PTPN14: variants seen among roughly 807,000 people sequenced by gnomAD.
The protein encoded by PTPN14 is protein tyrosine phosphatase non-receptor type 14, also known as tyrosine-protein phosphatase non-receptor type 14.
In PTPN14, 53 loss-of-function variants were observed where a neutral mutation model predicts 126.8. The ratio of observed to expected loss-of-function variants is 0.42; its 90% confidence interval spans 0.34 to 0.53. The LOEUF is 0.53. Among genes scored for constraint, PTPN14 ranks in the 20% least tolerant of loss-of-function variants. The probability of loss-of-function intolerance (pLI) is 0.08; values close to 1 mark genes in which losing one functional copy is unlikely to be tolerated. For synonymous variants in PTPN14, 630 were observed against 599.3 expected (o/e 1.05, Z -0.75); for missense variants, 1,257 against 1,552.9 (o/e 0.81, Z 3.20).
At chr1:214,514,572 TG>T (rs1638919287) in intron 1 of PTPN14, among the ~76,000 whole-genome samples, 3 of 125,250 alleles carry the variant, frequency 2.4e-5, no homozygotes, top group Admixed American at 1.4e-4. Context: ...TCTGATTCCC[TG>T]AGCCTGGGGT....
chr1:214,424,989 G>T (rs1034398277), intron 3 of PTPN14, among the ~76,000 whole-genome samples: 3 of 152,000 alleles, frequency 2.0e-5, no homozygotes, highest in Non-Finnish European at 2.9e-5. Context: ...AGAGGCAGAG[G>T]TTATGCCACG....
intron 1 of PTPN14, among the ~76,000 whole-genome samples, chr1:214,545,643 G>A (rs372272750): frequency 1.3e-5 from 2 of 152,242 alleles, no homozygotes; most frequent in East Asian, 1.9e-4. Flanking sequence ...ACTCAAACTC[G>A]AAGGGACCTA....
rs571185641 is a variant in PTPN14 at position 214,503,096 on chromosome 1, T to C, written c.-154-38139A>G. Among the ~76,000 whole-genome samples, 128 of 152,344 alleles carry C rather than the reference T, an allele frequency of 8.4e-4. 1 individual carries two copies. The highest frequency in any genetic ancestry group is 2.5e-4 in the Non-Finnish European group (17 of 68,032). ...TTTTAAATTCACACTGTGAAAATTA[T>C]ACTAGCATACACTTGGAGAAACATG... On this transcript the variant is annotated intron_variant, in intron 1 of 18. Transcript: ENST00000366956.
At chr1:214,454,188 T>C (rs1660333115) in intron 2 of PTPN14, among the ~76,000 whole-genome samples, 1 of 152,184 alleles carries the variant, frequency 6.6e-6, no homozygotes, top group South Asian at 2.1e-4. Flanking sequence ...TTATAAGCAT[T>C]AGTGGAGAAA....
intron 3 of PTPN14, among the ~76,000 whole-genome samples, chr1:214,426,687 A>C (rs1659671387): frequency 6.6e-6 from 1 of 152,218 alleles, no homozygotes; most frequent in Non-Finnish European, 1.5e-5. Context: ...TCATGAAAGA[A>C]GGCTGCTACA....
chr1:214,380,218 G>A (rs899895773), intron 13 of PTPN14, among the ~76,000 whole-genome samples: 7 of 152,112 alleles, frequency 4.6e-5, no homozygotes, highest in African/African-American at 1.7e-4. Context: ...GAAGGCAATA[G>A]TCCTGAAAAA....
Position 214,376,971 on chromosome 1 carries a change from G to A in PTPN14, c.2689-534C>T, listed in dbSNP as rs138390588. 8.1e-3 allele frequency among the ~76,000 whole-genome samples: 1,238 copies of A among 152,272 alleles called. 19 individuals carry two copies. Among genetic ancestry groups the A allele is most frequent in the African/African-American group, 0.028 (1,178 of 41,546 alleles). On this transcript the variant is annotated intron_variant, in intron 14 of 18. Coordinates refer to ENST00000366956, the MANE Select transcript of PTPN14 (RefSeq NM_005401.5). Reference sequence around the variant, plus strand: ...ATACTGGCAGAAATCGAACACCCTGGTGTTATTAGTACTTTATTACATTTA... The same window carrying A: ...ATACTGGCAGAAATCGAACACCCTGATGTTATTAGTACTTTATTACATTTA...
chr1:214,445,563 AAC>A (rs745906664), intron 3 of PTPN14, among the ~76,000 whole-genome samples: 1 of 151,222 alleles, frequency 6.6e-6, no homozygotes, highest in African/African-American at 2.5e-5. Flanking sequence ...AAAAAAAAAA[AAC>A]CACAAAATTA....
chr1:214,481,728 G>A (rs61819641), intron 1 of PTPN14, among the ~76,000 whole-genome samples: 10,950 of 151,948 alleles, frequency 0.072, 487 homozygotes, highest in South Asian at 0.12. Flanking sequence ...GCTCACGCCT[G>A]TAATTCCAAC....
chr1:214,392,938 T>C (rs1308549762), intron 10 of PTPN14, among the ~76,000 whole-genome samples: 1 of 152,206 alleles, frequency 6.6e-6, no homozygotes, highest in Non-Finnish European at 1.5e-5. Flanking sequence ...GTTCTTCTCT[T>C]GCATTTATAA....
intron 18 of PTPN14, among the ~76,000 whole-genome samples, chr1:214,359,232 G>A (rs77091912): frequency 2.0e-5 from 2 of 99,348 alleles, no homozygotes; most frequent in Admixed American, 1.1e-4. Context: ...TTTTTTTTTT[G>A]AGACGGAGTC....
chr1:214,361,712 G>C (rs1657959463), intron 18 of PTPN14, among the ~76,000 whole-genome samples: 1 of 152,196 alleles, frequency 6.6e-6, no homozygotes. Context: ...CTACATCCAA[G>C]GGACTGAGTG....
At chr1:214,451,998 T>A (rs774271038) in intron 2 of PTPN14, 24 bp from the exon 3 acceptor site, 1 of 1,604,202 alleles carries the variant, frequency 6.2e-7, no homozygotes, top group Non-Finnish European at 8.5e-7. Flanking sequence ...TAAAATAGCA[T>A]CAGTTCATGC....
chr1:214,479,105 G>A (rs1660927805), intron 1 of PTPN14, among the ~76,000 whole-genome samples: 1 of 151,946 alleles, frequency 6.6e-6, no homozygotes, highest in African/African-American at 2.4e-5. Context: ...TGGCACTTTG[G>A]GAGATCGAGG....
At chr1:214,443,948 A>G (rs569957569) in intron 3 of PTPN14, among the ~76,000 whole-genome samples, 7 of 152,232 alleles carry the variant, frequency 4.6e-5, no homozygotes, top group Non-Finnish European at 1.0e-4. Flanking sequence ...CGGAAATGAA[A>G]TAAAAGCTGC....
In PTPN14 at chr1:214,473,337, T is replaced by G. The variant is rs1392450297; in HGVS notation, c.-154-8380A>C. Among the ~76,000 whole-genome samples the G allele has an allele frequency of 2.6e-5, 4 of 152,352 alleles. No individual in the cohort carries two copies. In the South Asian group the frequency reaches 6.2e-4, roughly 24 times the overall value. On this transcript the variant is annotated intron_variant, in intron 1 of 18. Coordinates refer to ENST00000366956, the MANE Select transcript of PTPN14 (RefSeq NM_005401.5). The stretch of plus-strand genomic sequence containing the variant: ...ACCAGCACAGTCTGTGTTTAGTCTT[T>G]TATTGAATTACCTGCACAGGCAAAT...
chr1:214,500,602 A>AG (rs200946104), intron 1 of PTPN14, among the ~76,000 whole-genome samples: 6,383 of 152,256 alleles, frequency 0.042, 207 homozygotes, highest in Middle Eastern at 0.12. Context: ...ACAACCTCCT[A>AG]ATGTTTCAGA....
At chr1:214,434,342 G>A (rs555063601) in intron 3 of PTPN14, among the ~76,000 whole-genome samples, 2 of 152,202 alleles carry the variant, frequency 1.3e-5, no homozygotes, top group South Asian at 2.1e-4. Context: ...CATGTCTAAC[G>A]TTGTCTAAAA....
chr1:214,353,291 A>G lies in PTPN14; in HGVS notation c.*4631T>C, dbSNP rs1400138005. The G allele has an allele frequency of 1.3e-5, 2 of 152,246 alleles. No individual in the cohort carries two copies. The highest frequency in any genetic ancestry group is 2.9e-5 in the Non-Finnish European group (2 of 68,046). 9.4% of individuals were successfully genotyped at this position (152,246 alleles called of 1,614,324 possible). On this transcript the variant is annotated 3_prime_UTR_variant, in exon 19 of 19. Coordinates refer to ENST00000366956, the MANE Select transcript of PTPN14 (RefSeq NM_005401.5). ...CTCTTGCATACTTTAAATCATCTCT[A>G]GATTATTTACAATACCTAACTCAAT...
Sources: allele counts gnomAD v4.1 joint callset (sites outside exome capture counted in the v4.1 genomes callset), GRCh38; gene constraint gnomAD v4.1.1; transcripts MANE v1.5; gene names NCBI Gene and HGNC (gene_info 2026-07-23, HGNC 2026-07-21).